TAF3: variants seen among roughly 807,000 people sequenced by gnomAD.
TAF3 encodes TATA-box binding protein associated factor 3.
Under a neutral mutation model 80.6 loss-of-function variants are expected in TAF3, and 7 were observed. The ratio of observed to expected loss-of-function variants is 0.09; its 90% CI spans 0.05 to 0.16. TAF3 has a LOEUF of 0.16. Ranked by LOEUF, TAF3 falls within the 10% of genes least tolerant of loss-of-function variation. The pLI, the probability that TAF3 is intolerant of heterozygous loss-of-function variation, is 1.00. For missense variants in TAF3, 921 were observed against 1,140.2 expected, an observed-to-expected ratio of 0.81 and a Z score of 2.77; for synonymous variants, 444 against 446.1, an observed-to-expected ratio of 1.00 and a Z score of 0.06.
At chr10:7,842,156 T>TTTTTTTGTTTG in intron 2 of TAF3, among the ~76,000 whole-genome samples, 4 of 123,002 alleles carry the variant, frequency 3.3e-5, no homozygotes, top group Non-Finnish European at 5.1e-5. Flanking sequence ...ATATTGTTTT[T>TTTTTTTGTTTG]TTTTTTTGTT....
chr10:7,990,295 T>C lies in TAF3; in HGVS notation c.2315+12972T>C, dbSNP rs142119658. On this transcript the variant is annotated intron_variant, in intron 4 of 6. Transcript: ENST00000344293. ...ATGAGTAAATCACAATTGTGAGTGG[T>C]AAATGGCCATGTTCTAGTTTTTTTT... 4.5e-3 allele frequency among the ~76,000 whole-genome samples: 692 copies of C among 152,364 alleles called. 11 individuals are homozygous for C. The highest frequency in any genetic ancestry group is 0.016 in the African/African-American group (660 of 41,598).
At chr10:7,849,708 C>T (rs1312200685) in intron 2 of TAF3, among the ~76,000 whole-genome samples, 4 of 150,932 alleles carry the variant, frequency 2.7e-5, no homozygotes, top group South Asian at 2.1e-4. Flanking sequence ...GACAGTGTCT[C>T]TCACTCTGTC....
chr10:7,896,088 C>T (rs751515973), intron 2 of TAF3, among the ~76,000 whole-genome samples: 1 of 152,124 alleles, frequency 6.6e-6, no homozygotes, highest in Non-Finnish European at 1.5e-5. Context: ...GAAGTAACTG[C>T]ATCGGTTGCT....
intron 2 of TAF3, among the ~76,000 whole-genome samples, chr10:7,826,579 A>C (rs1372734630): frequency 1.3e-5 from 2 of 152,218 alleles, no homozygotes; most frequent in Non-Finnish European, 2.9e-5. Context: ...AACAATATAA[A>C]TTATAAACAT....
At chr10:7,870,040 A>G (rs1029775146) in intron 2 of TAF3, among the ~76,000 whole-genome samples, 6 of 152,156 alleles carry the variant, frequency 3.9e-5, no homozygotes, top group African/African-American at 1.2e-4. Flanking sequence ...AAAAAATTAG[A>G]TAATTAGGAG....
intron 3 of TAF3, among the ~76,000 whole-genome samples, chr10:7,973,146 G>C (rs1242812012): frequency 6.6e-6 from 1 of 152,206 alleles, no homozygotes; most frequent in Non-Finnish European, 1.5e-5. Context: ...CTATAGAGTT[G>C]TGAAGATAGA....
At chr10:7,970,159 T>C (rs1355258843) in intron 3 of TAF3, among the ~76,000 whole-genome samples, 4 of 152,186 alleles carry the variant, frequency 2.6e-5, no homozygotes, top group African/African-American at 9.7e-5. Flanking sequence ...CCCTGCATAA[T>C]TGGGAGTTGT....
Position 7,851,217 on chromosome 10 carries a change from A to G in TAF3, c.409+26657A>G, listed in dbSNP as rs61833220. Among the ~76,000 whole-genome samples the G allele has an allele frequency of 4.9e-3, 749 of 152,314 alleles. 4 individuals carry two copies. Among genetic ancestry groups the G allele is most frequent in the Non-Finnish European group, 8.2e-3 (556 of 68,032 alleles). On this transcript the variant is annotated intron_variant, in intron 2 of 6. Coordinates refer to ENST00000344293, the MANE Select transcript of TAF3 (RefSeq NM_031923.4). ...AGTCAGGGGAACTAGTGAGAAAGCAACATTCTAGCAAAGACTTCAAAGAGG... is the reference window on the plus strand; with the variant it reads ...AGTCAGGGGAACTAGTGAGAAAGCAGCATTCTAGCAAAGACTTCAAAGAGG...
intron 3 of TAF3, among the ~76,000 whole-genome samples, chr10:7,969,921 T>C (rs1036858252): frequency 1.8e-4 from 28 of 152,170 alleles, no homozygotes; most frequent in South Asian, 1.7e-3. Flanking sequence ...CTTCCTCCCA[T>C]TCAAAACTAG....
intron 2 of TAF3, among the ~76,000 whole-genome samples, chr10:7,919,188 A>C (rs963065668): frequency 1.3e-5 from 2 of 152,180 alleles, no homozygotes; most frequent in African/African-American, 4.8e-5. Context: ...ATGTCCTAGG[A>C]GGCCTAGCTT....
At chr10:7,995,974 A>T (rs1831883456) in intron 4 of TAF3, among the ~76,000 whole-genome samples, 1 of 152,206 alleles carries the variant, frequency 6.6e-6, no homozygotes, top group Admixed American at 6.5e-5. Flanking sequence ...ACTGTGTTAC[A>T]GTTTGGCGTC....
At chr10:7,859,260 CAATAAATAAATAAATAAATAAATA>C (rs145110594) in intron 2 of TAF3, among the ~76,000 whole-genome samples, 3,003 of 134,334 alleles carry the variant, frequency 0.022, 86 homozygotes, top group African/African-American at 0.066. Flanking sequence ...GACTCCATCT[CAATAAATAAATAAATAAATAAATA>C]AATAAATAAA....
chr10:7,945,294 G>T (rs1838014078), intron 2 of TAF3, among the ~76,000 whole-genome samples: 1 of 152,140 alleles, frequency 6.6e-6, no homozygotes, highest in African/African-American at 2.4e-5. Context: ...CAGAATAACT[G>T]ATTTCCTATT....
chr10:8,010,916 A>G (rs1832047871), intron 5 of TAF3, among the ~76,000 whole-genome samples: 1 of 152,196 alleles, frequency 6.6e-6, no homozygotes, highest in Admixed American at 6.5e-5. Flanking sequence ...CTCAAGAAAA[A>G]AAAAAATTGT....
At position 8,015,362 on chromosome 10, in the gene TAF3, C is replaced by T. The variant is rs1832094333; in HGVS notation, c.*611C>T. 6.6e-6 allele frequency: 1 copy of T among 152,120 alleles called. No individual in the cohort carries two copies. Among genetic ancestry groups the T allele is most frequent in the Non-Finnish European group, 1.5e-5 (1 of 68,018 alleles). 9.4% of individuals were successfully genotyped at this position (152,120 alleles called of 1,614,324 possible). A position where few individuals can be genotyped will look rare whatever the true frequency, so the allele number is the denominator to read the frequency against. ...TTAAGAAAAAGGTTTCTATCATGTC[C>T]TGTTTGCTTTTGTGCAAATTATTTT... On this transcript the variant is annotated 3_prime_UTR_variant, in exon 7 of 7. Coordinates refer to ENST00000344293, the MANE Select transcript of TAF3 (RefSeq NM_031923.4).
intron 2 of TAF3, among the ~76,000 whole-genome samples, chr10:7,956,555 C>T (rs1838138002): frequency 6.6e-6 from 1 of 152,158 alleles, no homozygotes; most frequent in Admixed American, 6.5e-5. Context: ...ATTGTTTAAA[C>T]AAGAAGATAT....
rs1402799854 is a variant in TAF3, at chr10:7,977,278, T to A, written c.2270T>A (p.Val757Asp). 6.2e-7 allele frequency: 1 copy of A among 1,614,082 alleles called. No individual in the cohort carries two copies. The highest frequency in any genetic ancestry group is 8.5e-7 in the Non-Finnish European group (1 of 1,180,040). Residue 757 changes from valine (V) to aspartate (D), a missense_variant, in exon 4 of 7, where the codon GTT (valine) becomes GAT (aspartate). Physicochemically the swap from Val to Asp is radical, Grantham distance 152. This residue lies in a region of TAF3 where 743 missense variants were observed against 821.0 expected (regional missense o/e 0.90). Transcript: ENST00000344293. Reference sequence around the variant, plus strand: ...CCAGTCGCTCTGGCCCCGAGTCCAGTTATCCCCAGATTAACTCTCCGAGTC... The same window carrying A: ...CCAGTCGCTCTGGCCCCGAGTCCAGATATCCCCAGATTAACTCTCCGAGTC... ...VEPVALAPSP[V>D]IPRLTLRVGA...
intron 2 of TAF3, among the ~76,000 whole-genome samples, chr10:7,900,882 A>G (rs1282817354): frequency 1.3e-5 from 2 of 152,074 alleles, no homozygotes; most frequent in Admixed American, 1.3e-4. Flanking sequence ...TTTAAAAATC[A>G]TAATAAATTT....
rs182879991 is a variant in TAF3, at chr10:8,009,249, C to T, written c.2487C>T (p.Pro829=). The T allele has an allele frequency of 2.7e-3, 4,101 of 1,525,552 alleles. 105 individuals are homozygous for T. The African/African-American group carries it at 0.052, about 19-fold the overall frequency. The allele number at this position is 1,525,552 out of a possible 1,614,324, so 94.5% of individuals were successfully genotyped here. The change falls in exon 5 of 7, where the codon CCC becomes CCT. Residue 829 remains proline, a synonymous_variant. Transcript: ENST00000344293. This position sits in a 1 kb window ranked among gnomAD's most constrained non-coding sequence, Gnocchi z 4.1. ...CCGCCGCGGGCCCTGCCCTGCTGCC[C>T]TCCCCGGGTCCCGCCGCCTCCGGGG... ...AQAAAGPALL[P]SPGPAASGAS... is the part of the protein sequence containing the mutation.
Sources: allele counts gnomAD v4.1 joint callset (sites outside exome capture counted in the v4.1 genomes callset), GRCh38; gene constraint gnomAD v4.1.1; regional missense constraint gnomAD v4.1.1; non-coding constraint Gnocchi (gnomAD v3.1); transcripts MANE v1.5; gene names NCBI Gene and HGNC (gene_info 2026-07-23, HGNC 2026-07-21).